Variants in PLB1 observed in about 807,000 individuals in gnomAD.
The protein encoded by PLB1 is phospholipase B1, also known as phospholipase B1, membrane-associated.
Under a neutral mutation model 227.4 loss-of-function variants are expected in PLB1, and 242 were observed. That is an observed-to-expected ratio of 1.06 (90% CI 0.96 to 1.18). The LOEUF (loss-of-function observed/expected upper bound fraction) is 1.18. Ranked by LOEUF, PLB1 falls within the 50% of genes most tolerant of loss-of-function variation. The pLI is 0.00. For missense variants in PLB1, 1,858 were observed against 1,816.3 expected, an observed-to-expected ratio of 1.02 and a Z score of -0.42; for synonymous variants, 757 against 682.2, an observed-to-expected ratio of 1.11 and a Z score of -1.71.
In PLB1 at chr2:28,582,622, C is replaced by T. The variant is rs562847064; in HGVS notation, c.1733+117C>T. 21 of 761,386 alleles carry T rather than the reference C, an allele frequency of 2.8e-5. No homozygotes were observed. The Middle Eastern group carries it at 2.1e-3, about 74-fold the overall frequency. The allele number at this position is 761,386 out of a possible 1,614,324, so 47.2% of individuals were successfully genotyped here. On this transcript the variant is annotated intron_variant, in intron 25 of 57. Coordinates refer to ENST00000327757, the MANE Select transcript of PLB1 (RefSeq NM_153021.5). ...CGAAGTGTGAAAGGGCTGTGACCAC[C>T]CCATCTTCTAACCTGGAAAAGCCTA...
At chr2:28,611,827 C>T (rs1167226475) in intron 43 of PLB1, among the ~76,000 whole-genome samples, 4 of 152,082 alleles carry the variant, frequency 2.6e-5, no homozygotes, top group East Asian at 1.9e-4. Flanking sequence ...TCCCACTTGG[C>T]CCTGAGTACC....
intron 31 of PLB1, among the ~76,000 whole-genome samples, chr2:28,592,334 A>G (rs747950601): frequency 5.9e-5 from 9 of 152,242 alleles, no homozygotes; most frequent in Non-Finnish European, 1.2e-4. Context: ...CACTGGCACT[A>G]AAATGAGCTC....
chr2:28,538,241 G>A, intron 9 of PLB1, 78 bp from the exon 10 acceptor site: 1 of 1,571,878 alleles, frequency 6.4e-7, no homozygotes, highest in Non-Finnish European at 8.7e-7. Flanking sequence ...GCAGGGATGG[G>A]CCTGTTGTGA....
intron 43 of PLB1, among the ~76,000 whole-genome samples, chr2:28,611,906 T>C (rs112276972): frequency 1.3e-5 from 2 of 151,252 alleles, no homozygotes; most frequent in East Asian, 1.9e-4. Context: ...TTTGGGAGGC[T>C]GAGGCGGGCG....
At chr2:28,553,081 G>A (rs1471935835) in intron 17 of PLB1, 90 bp downstream of exon 17, 12 of 1,145,126 alleles carry the variant, frequency 1.0e-5, no homozygotes, top group South Asian at 3.8e-5. Flanking sequence ...AAATACTCCC[G>A]AGTGGTTTCT....
intron 1 of PLB1, among the ~76,000 whole-genome samples, chr2:28,512,218 C>A (rs374421195): frequency 6.6e-6 from 1 of 151,888 alleles, no homozygotes; most frequent in Non-Finnish European, 1.5e-5. Context: ...AATATACTTA[C>A]TATCTTTAAG....
intron 35 of PLB1, among the ~76,000 whole-genome samples, chr2:28,599,546 G>C (rs11901505): frequency 0.019 from 2,850 of 150,906 alleles, 85 homozygotes; most frequent in African/African-American, 0.068. Flanking sequence ...TCCCACCCAG[G>C]TCTATAACGG....
At chr2:28,511,673 G>A (rs1213694499) in intron 1 of PLB1, among the ~76,000 whole-genome samples, 1 of 152,026 alleles carries the variant, frequency 6.6e-6, no homozygotes. Flanking sequence ...TAGTTGATGT[G>A]TCTAAGTAAG....
intron 51 of PLB1, 109 bp from the exon 52 acceptor site, chr2:28,628,454 T>G: frequency 1.0e-6 from 1 of 953,050 alleles, no homozygotes; most frequent in Middle Eastern, 2.1e-4. Flanking sequence ...CCGAAGCCCC[T>G]CTGTACCCAC....
Position 28,585,700 on chromosome 2 carries a change from A to G in PLB1, c.1734-61A>G, listed in dbSNP as rs1005787752. On this transcript the variant is annotated intron_variant, in intron 25 of 57. Transcript: ENST00000327757. ...TTGAGTCTCAAGCCAGCGTTTCTGCATCACTTATTCAGGATGGTGATCTTG... is the reference window on the plus strand; with the variant it reads ...TTGAGTCTCAAGCCAGCGTTTCTGCGTCACTTATTCAGGATGGTGATCTTG... 13 of 1,338,866 alleles carry G rather than the reference A, an allele frequency of 9.7e-6. No individual in the cohort carries two copies. In the African/African-American group the frequency reaches 1.6e-4, roughly 16 times the overall value. 82.9% of individuals were successfully genotyped at this position (1,338,866 alleles called of 1,614,324 possible). A position where few individuals can be genotyped will look rare whatever the true frequency, so the allele number is the denominator to read the frequency against.
intron 33 of PLB1, among the ~76,000 whole-genome samples, chr2:28,597,735 C>T (rs1683194372): frequency 6.6e-6 from 1 of 152,180 alleles, no homozygotes; most frequent in Non-Finnish European, 1.5e-5. Flanking sequence ...CATGTCTGGG[C>T]ACATAGTATA....
intron 4 of PLB1, among the ~76,000 whole-genome samples, chr2:28,520,799 C>A (rs1189923468): frequency 6.6e-6 from 1 of 151,950 alleles, no homozygotes; most frequent in African/African-American, 2.4e-5. Flanking sequence ...ATGGTGAAAC[C>A]CCATCTTTAC....
intron 49 of PLB1, among the ~76,000 whole-genome samples, chr2:28,623,701 A>G (rs6547863): frequency 0.61 from 92,509 of 151,810 alleles, 29,902 homozygotes; most frequent in East Asian, 0.9. Context: ...TTCCATGGAC[A>G]CTTTCATTGG....
intron 48 of PLB1, 51 bp from the exon 49 acceptor site, chr2:28,620,828 G>C: frequency 6.6e-7 from 1 of 1,524,148 alleles, no homozygotes; most frequent in Non-Finnish European, 9.1e-7. Flanking sequence ...TTACTGTGAG[G>C]GTCCTGCAGG....
At chr2:28,630,747 G>T (rs1019430004) in intron 54 of PLB1, 83 bp downstream of exon 54, 3 of 1,207,974 alleles carry the variant, frequency 2.5e-6, no homozygotes, top group Non-Finnish European at 3.5e-6. Flanking sequence ...TGCCCAGCAG[G>T]ATGTGGCCAA....
chr2:28,550,525 A>ATT (rs34468949), intron 16 of PLB1, among the ~76,000 whole-genome samples: 16 of 132,216 alleles, frequency 1.2e-4, no homozygotes, highest in African/African-American at 3.4e-4. Flanking sequence ...CCTCAATACA[A>ATT]TTTTTTTTTT....
At chr2:28,525,146 T>C in intron 4 of PLB1, 121 bp from the exon 5 acceptor site, 1 of 865,064 alleles carries the variant, frequency 1.2e-6, no homozygotes, top group South Asian at 1.6e-5. Flanking sequence ...CCACCAAGCC[T>C]GGGCTTGTAG....
chr2:28,594,574 G>C (rs746806750), intron 33 of PLB1: 6 of 127,338 alleles, frequency 4.7e-5, no homozygotes, highest in African/African-American at 8.1e-5. Context: ...ACAGGGAGCA[G>C]GGAGGGGGTG....
chr2:28,525,299 G>C lies in PLB1; in HGVS notation c.276G>C (p.Lys92Asn), dbSNP rs748504578. The C allele has an allele frequency of 9.3e-6, 15 of 1,613,552 alleles. No individual in the cohort carries two copies. Among genetic ancestry groups the C allele is most frequent in the Non-Finnish European group, 5.9e-6 (7 of 1,179,908 alleles). ...PPDPGTGDLE[K>N]QDWTERPQQV... is the part of the protein sequence containing the mutation. ...ACCCAGGGACGGGCGATCTGGAGAA[G>C]CAAGACTGGTAACTATCCTGAAAAC... The change falls in exon 5 of 58, where the codon AAG (lysine) becomes AAC (asparagine). Residue 92 changes from lysine to asparagine, a missense_variant. Transcript: ENST00000327757.
Sources: allele counts gnomAD v4.1 joint callset (sites outside exome capture counted in the v4.1 genomes callset), GRCh38; gene constraint gnomAD v4.1.1; transcripts MANE v1.5; gene names NCBI Gene and HGNC (gene_info 2026-07-23, HGNC 2026-07-21).